The following CACNA1C variants were observed in gnomAD, a reference collection of about 807,000 sequenced individuals.
The protein encoded by CACNA1C is voltage-dependent L-type calcium channel subunit alpha-1C.
Under a neutral mutation model 229.0 loss-of-function variants are expected in CACNA1C, and 30 were observed. That is an observed-to-expected ratio of 0.13 (90% CI 0.10 to 0.18). The LOEUF (loss-of-function observed/expected upper bound fraction) is 0.18. CACNA1C is among the 10% of genes least tolerant of loss of function. The pLI is 1.00. For synonymous variants in CACNA1C, 1,114 were observed against 1,132.5 expected, an observed-to-expected ratio of 0.98 and a Z score of 0.33; for missense variants, 1,658 against 2,845.0, an observed-to-expected ratio of 0.58 and a Z score of 9.49.
chr12:2,343,676 G>A (rs916538439), intron 3 of CACNA1C, among the ~76,000 whole-genome samples: 1 of 152,170 alleles, frequency 6.6e-6, no homozygotes, highest in African/African-American at 2.4e-5. Context: ...AAGAGTGGGG[G>A]CTGGGAAAAT....
At chr12:2,262,997 T>G (rs1229383568) in intron 3 of CACNA1C, among the ~76,000 whole-genome samples, 1 of 152,120 alleles carries the variant, frequency 6.6e-6, no homozygotes, top group East Asian at 1.9e-4. Flanking sequence ...GGAAAAAATA[T>G]AAATACGATA....
chr12:2,381,133 A>C (rs958141027), intron 3 of CACNA1C, among the ~76,000 whole-genome samples: 1 of 151,730 alleles, frequency 6.6e-6, no homozygotes, highest in Non-Finnish European at 1.5e-5. Context: ...GAAGTCCCTC[A>C]CTCCTCTGTC....
intron 3 of CACNA1C, among the ~76,000 whole-genome samples, chr12:2,352,524 C>T (rs1268123967): frequency 6.6e-6 from 1 of 152,180 alleles, no homozygotes; most frequent in Non-Finnish European, 1.5e-5. Flanking sequence ...CCAGTAATGG[C>T]CTCCTTTCTT....
At chr12:2,327,133 A>G (rs1378594838) in intron 3 of CACNA1C, among the ~76,000 whole-genome samples, 2 of 151,986 alleles carry the variant, frequency 1.3e-5, no homozygotes. Context: ...TAGACTGTTC[A>G]CCTCGGAGTT....
At chr12:2,050,692 A>G (rs1030245776), upstream of CACNA1C, among the ~76,000 whole-genome samples, 2 of 152,210 alleles carry the variant, frequency 1.3e-5, no homozygotes, top group African/African-American at 4.8e-5. Flanking sequence ...TTCTCTTGTA[A>G]CCAACAAAAT....
chr12:2,363,719 A>G (rs570141927), intron 3 of CACNA1C, among the ~76,000 whole-genome samples: 1 of 127,970 alleles, frequency 7.8e-6, no homozygotes, highest in East Asian at 2.3e-4. Context: ...CATAACCTGG[A>G]AGATCTCTTA....
chr12:2,402,124 C>T (rs1004452243), intron 3 of CACNA1C, among the ~76,000 whole-genome samples: 2 of 152,250 alleles, frequency 1.3e-5, no homozygotes, highest in Admixed American at 6.5e-5. Flanking sequence ...GCTGCAACAT[C>T]CTGCTTGAGA....
At chr12:2,172,387 T>C (rs1021618308) in intron 3 of CACNA1C, among the ~76,000 whole-genome samples, 2 of 152,228 alleles carry the variant, frequency 1.3e-5, no homozygotes, top group African/African-American at 4.8e-5. Flanking sequence ...GGTCCTCTAA[T>C]TAAGTAGTAA....
intron 3 of CACNA1C, among the ~76,000 whole-genome samples, chr12:2,312,899 T>C (rs1462805100): frequency 2.0e-5 from 3 of 152,188 alleles, no homozygotes; most frequent in African/African-American, 7.2e-5. Context: ...CTCAGAAATT[T>C]ACTAGAAATC....
chr12:2,021,430 G>C (rs2046424538), intron 1 of CACNA1C, among the ~76,000 whole-genome samples: 1 of 152,160 alleles, frequency 6.6e-6, no homozygotes, highest in Admixed American at 6.5e-5. Context: ...TGTAATCCCA[G>C]CACTTTGGGG....
Position 2,287,314 on chromosome 12 carries a change from T to G in CACNA1C, c.478-161662T>G, listed in dbSNP as rs190067022. Reference sequence around the variant, plus strand: ...TCGTCTGGATTGTGATTGCGACCCGTGCCTCATGGAGTGTCGCTGGATACG... The same window carrying G: ...TCGTCTGGATTGTGATTGCGACCCGGGCCTCATGGAGTGTCGCTGGATACG... On this transcript the variant is annotated intron_variant, in intron 3 of 46. Transcript: ENST00000399655. This position sits in a 1 kb window ranked among gnomAD's most constrained non-coding sequence, Gnocchi z 4.6. Among the ~76,000 whole-genome samples, 49 of 152,352 alleles carry G rather than the reference T, an allele frequency of 3.2e-4. No individual in the cohort carries two copies. The East Asian group carries it at 9.4e-3, about 29-fold the overall frequency.
intron 3 of CACNA1C, among the ~76,000 whole-genome samples, chr12:2,160,211 T>G (rs1369079801): frequency 6.6e-6 from 1 of 152,146 alleles, no homozygotes; most frequent in Non-Finnish European, 1.5e-5. Flanking sequence ...AAGTGGTACG[T>G]TTTGCTTTTT....
rs757207455 is a variant in CACNA1C, at chr12:2,597,392, G to T, written c.2853+103G>T. On this transcript the variant is annotated intron_variant, in intron 21 of 46. Coordinates refer to ENST00000399655, the MANE Select transcript of CACNA1C (RefSeq NM_000719.7). This position sits in a 1 kb window ranked among gnomAD's most constrained non-coding sequence, Gnocchi z 4.3. ...ACACATGCTCCTTCCTGTTGGTGTGGGGTTCACTCTCAGAGCCACTAATCC... is the reference window on the plus strand; with the variant it reads ...ACACATGCTCCTTCCTGTTGGTGTGTGGTTCACTCTCAGAGCCACTAATCC... 1.3e-6 allele frequency: 2 copies of T among 1,529,792 alleles called. No individual in the cohort carries two copies. The highest frequency in any genetic ancestry group is 1.8e-6 in the Non-Finnish European group (2 of 1,103,438). 94.8% of individuals were successfully genotyped at this position (1,529,792 alleles called of 1,614,324 possible).
At chr12:2,042,232 A>G (rs1034755259) in intron 1 of CACNA1C, among the ~76,000 whole-genome samples, 1 of 152,080 alleles carries the variant, frequency 6.6e-6, no homozygotes, top group African/African-American at 2.4e-5. Flanking sequence ...TTACCCTAAT[A>G]CGATATATTT....
intron 5 of CACNA1C, among the ~76,000 whole-genome samples, chr12:2,472,790 ATGT>A (rs946866721): frequency 3.9e-5 from 6 of 152,296 alleles, no homozygotes; most frequent in African/African-American, 1.4e-4. Flanking sequence ...CATGGATAAT[ATGT>A]TGTTGTGACT....
At chr12:2,291,492 T>C (rs1364139745) in intron 3 of CACNA1C, among the ~76,000 whole-genome samples, 6 of 152,260 alleles carry the variant, frequency 3.9e-5, no homozygotes, top group Non-Finnish European at 5.9e-5. Flanking sequence ...GTTTTGCAAC[T>C]GTTTTAATTA....
chr12:2,253,503 T>C (rs752211190), intron 3 of CACNA1C, among the ~76,000 whole-genome samples: 14 of 152,250 alleles, frequency 9.2e-5, no homozygotes, highest in East Asian at 3.8e-4. Context: ...GCCAAACATA[T>C]GTGCATACTT....
At position 2,004,575 on chromosome 12, in the gene CACNA1C, C is replaced by T. The variant is rs889814733; in HGVS notation, c.139+33374C>T. On this transcript the variant is annotated intron_variant, in intron 1 of 46. Coordinates refer to the CACNA1C transcript ENST00000682462. The stretch of plus-strand genomic sequence containing the variant: ...TCCGGCTCCAGTCACCCCCACCCTC[C>T]TGCCCGCCGACAGACGCAAGGCCTC... 4.4e-5 allele frequency: 54 copies of T among 1,234,492 alleles called. 1 individual carries two copies. The highest frequency in any genetic ancestry group is 1.9e-4 in the Admixed American group (7 of 36,070). The allele number at this position is 1,234,492 out of a possible 1,614,324, so 76.5% of individuals were successfully genotyped here.
chr12:2,590,718 G>A (rs1053359799), intron 18 of CACNA1C, among the ~76,000 whole-genome samples: 8 of 152,182 alleles, frequency 5.3e-5, no homozygotes, highest in South Asian at 2.1e-4. Context: ...AGCCTGCACC[G>A]TTTTCCATTA....
Sources: allele counts gnomAD v4.1 joint callset (sites outside exome capture counted in the v4.1 genomes callset), GRCh38; gene constraint gnomAD v4.1.1; non-coding constraint Gnocchi (gnomAD v3.1); transcripts MANE v1.5; gene names NCBI Gene and HGNC (gene_info 2026-07-23, HGNC 2026-07-21).